DCC: variants seen among roughly 807,000 people sequenced by gnomAD.
DCC encodes netrin receptor DCC.
A neutral mutation model predicts 172.5 loss-of-function variants in DCC; 58 were observed. That is an observed-to-expected ratio of 0.34 (90% CI 0.27 to 0.42). DCC has a LOEUF of 0.42. DCC is among the 10% of genes least tolerant of loss of function. The probability of loss-of-function intolerance (pLI) is 1.00; values close to 1 mark genes in which losing one functional copy is unlikely to be tolerated. For missense variants in DCC, 1,740 were observed against 1,791.0 expected (o/e 0.97, Z 0.51); for synonymous variants, 709 against 644.5 (o/e 1.10, Z -1.52).
chr18:53,456,127 A>C (rs534047682), intron 23 of DCC, among the ~76,000 whole-genome samples: 33 of 152,328 alleles, frequency 2.2e-4, no homozygotes, highest in African/African-American at 7.9e-4. Flanking sequence ...GAAATGATTT[A>C]GATTCTCTAA....
intron 1 of DCC, among the ~76,000 whole-genome samples, chr18:52,733,393 T>A (rs1398357020): frequency 6.6e-6 from 1 of 152,218 alleles, no homozygotes; most frequent in Non-Finnish European, 1.5e-5. Context: ...ATCACATTTT[T>A]GATCATTTGG....
At chr18:53,184,945 A>T (rs879523711) in intron 9 of DCC, among the ~76,000 whole-genome samples, 1 of 152,196 alleles carries the variant, frequency 6.6e-6, no homozygotes, top group Non-Finnish European at 1.5e-5. Flanking sequence ...ACTGCACTGC[A>T]CTGAGATTTG....
chr18:53,350,276 T>C (rs1223452791), intron 15 of DCC, among the ~76,000 whole-genome samples: 1 of 152,172 alleles, frequency 6.6e-6, no homozygotes, highest in Non-Finnish European at 1.5e-5. Flanking sequence ...TATCGGGAAT[T>C]AAGTTCTTAG....
intron 2 of DCC, among the ~76,000 whole-genome samples, chr18:52,895,658 A>G (rs2039717794): frequency 6.6e-6 from 1 of 152,216 alleles, no homozygotes; most frequent in Non-Finnish European, 1.5e-5. Flanking sequence ...TGCTTAACCA[A>G]TTACCAATTG....
In DCC at chr18:52,395,667, C is replaced by G. The variant is rs142029689; in HGVS notation, c.91+54789C>G. Among the ~76,000 whole-genome samples the G allele has an allele frequency of 1.8e-3, 271 of 152,164 alleles. 2 individuals are homozygous for G. The highest frequency in any genetic ancestry group is 6.3e-3 in the African/African-American group (263 of 41,540). On this transcript the variant is annotated intron_variant, in intron 1 of 28. Transcript: ENST00000442544. Reference sequence around the variant, plus strand: ...TCAAACTGATACTTCTCGGGTTTCTCTACCCAGCTATTCTGAGCCTGAGAT... The same window carrying G: ...TCAAACTGATACTTCTCGGGTTTCTGTACCCAGCTATTCTGAGCCTGAGAT...
intron 22 of DCC, among the ~76,000 whole-genome samples, chr18:53,438,530 G>T (rs1003429667): frequency 5.3e-5 from 8 of 152,182 alleles, no homozygotes; most frequent in Non-Finnish European, 1.2e-4. Flanking sequence ...GCACCCCTAG[G>T]TATACATGAA....
intron 21 of DCC, among the ~76,000 whole-genome samples, chr18:53,419,973 C>A (rs1910542462): frequency 6.6e-6 from 1 of 152,136 alleles, no homozygotes. Flanking sequence ...CCTGCCTCAG[C>A]CTCCTGAGTA....
intron 15 of DCC, among the ~76,000 whole-genome samples, chr18:53,377,389 G>GAGAGAGAGAGAGAGAGA (rs56300801): frequency 8.8e-5 from 13 of 148,026 alleles, no homozygotes; most frequent in Non-Finnish European, 1.3e-4. Flanking sequence ...GAGAGAGAGA[G>GAGAGAGAGAGAGAGAGA]GAAGAAGGCC....
intron 2 of DCC, among the ~76,000 whole-genome samples, chr18:52,904,055 G>A (rs1171550399): frequency 1.3e-5 from 2 of 152,178 alleles, no homozygotes; most frequent in East Asian, 3.8e-4. Flanking sequence ...AGTGGCTGGC[G>A]CCCCCTGTAG....
intron 9 of DCC, among the ~76,000 whole-genome samples, chr18:53,202,555 AC>A (rs1454820566): frequency 1.3e-5 from 2 of 152,206 alleles, no homozygotes; most frequent in Non-Finnish European, 2.9e-5. Flanking sequence ...TCCATCAAGA[AC>A]CATTAGTAGA....
At chr18:52,581,647 A>G (rs574247526) in intron 1 of DCC, among the ~76,000 whole-genome samples, 2 of 152,120 alleles carry the variant, frequency 1.3e-5, no homozygotes, top group South Asian at 4.1e-4. Context: ...TTTACCCTTC[A>G]TGCTCTATGT....
rs554079488 is a variant in DCC at position 53,261,845 on chromosome 18, C to G, written c.1912-43733C>G. On this transcript the variant is annotated intron_variant, in intron 12 of 28. Transcript: ENST00000442544. ...GTCTGCCTCTGGGATGGTATCACCCCCAATTAGTACTGGACTTCTTTAGCT... is the reference window on the plus strand; with the variant it reads ...GTCTGCCTCTGGGATGGTATCACCCGCAATTAGTACTGGACTTCTTTAGCT... Among the ~76,000 whole-genome samples, 8 of 152,170 alleles carry G rather than the reference C, an allele frequency of 5.3e-5. 1 individual carries two copies. The South Asian group carries it at 1.5e-3, about 28-fold the overall frequency.
intron 2 of DCC, among the ~76,000 whole-genome samples, chr18:52,823,292 C>T (rs1284833844): frequency 6.6e-6 from 1 of 152,154 alleles, no homozygotes; most frequent in Non-Finnish European, 1.5e-5. Context: ...AACATAGACA[C>T]TGTCTCTCAA....
At chr18:53,199,029 G>A (rs924331701) in intron 9 of DCC, among the ~76,000 whole-genome samples, 15 of 151,662 alleles carry the variant, frequency 9.9e-5, no homozygotes, top group Admixed American at 2.6e-4. Flanking sequence ...AGCTGTTAAC[G>A]GTATTGATTT....
intron 1 of DCC, among the ~76,000 whole-genome samples, chr18:52,642,018 A>ATGTG (rs1436825316): frequency 9.0e-5 from 1 of 11,170 alleles, no homozygotes; most frequent in Non-Finnish European, 8.2e-4. Flanking sequence ...GTGTGTGTAT[A>ATGTG]TATATATATA....
chr18:53,260,966 A>G (rs2056590421), intron 12 of DCC, among the ~76,000 whole-genome samples: 2 of 152,152 alleles, frequency 1.3e-5, no homozygotes, highest in African/African-American at 4.8e-5. Context: ...TGTGCTAGCA[A>G]TGAGCAAGGT....
chr18:52,620,649 GT>G (rs2034461156), intron 1 of DCC, among the ~76,000 whole-genome samples: 1 of 152,044 alleles, frequency 6.6e-6, no homozygotes, highest in Non-Finnish European at 1.5e-5. Context: ...TTACTTTTTA[GT>G]TATAGCAAAT....
At chr18:53,322,305 G>A (rs1328568069) in intron 14 of DCC, 148 bp downstream of exon 14, 8 of 677,164 alleles carry the variant, frequency 1.2e-5, no homozygotes, top group Non-Finnish European at 1.9e-5. Context: ...GGAAACATTA[G>A]TGAATACATA....
At chr18:52,835,966 A>C (rs979904607) in intron 2 of DCC, among the ~76,000 whole-genome samples, 1 of 152,236 alleles carries the variant, frequency 6.6e-6, no homozygotes, top group Non-Finnish European at 1.5e-5. Flanking sequence ...TATAAAGGAA[A>C]AAGGTTTAAT....
Sources: gnomAD v4.1 joint callset for allele counts (sites outside exome capture counted in the v4.1 genomes callset) on GRCh38, gnomAD v4.1.1 for gene constraint, MANE v1.5 for transcripts, NCBI Gene and HGNC (gene_info 2026-07-23, HGNC 2026-07-21) for gene names.